Variants in NCKAP1 observed in about 807,000 individuals in gnomAD.
NCKAP1 encodes the protein nck-associated protein 1.
NCKAP1 carries 21 observed loss-of-function variants against 151.2 expected under a neutral mutation model. The observed-to-expected ratio is 0.14, with a 90% CI of 0.10 to 0.20. The LOEUF is 0.20. Ranked by LOEUF, NCKAP1 falls within the 10% of genes least tolerant of loss-of-function variation. The pLI is 1.00. For missense variants in NCKAP1, 933 were observed against 1,352.1 expected (o/e 0.69, Z 4.86); for synonymous variants, 484 against 451.8 (o/e 1.07, Z -0.90).
intron 8 of NCKAP1, among the ~76,000 whole-genome samples, chr2:182,994,625 C>T (rs900196102): frequency 3.3e-5 from 5 of 149,528 alleles, no homozygotes; most frequent in African/African-American, 1.2e-4. Context: ...GATGACAGAG[C>T]AAGACCTCAT....
intron 15 of NCKAP1, among the ~76,000 whole-genome samples, chr2:182,976,647 G>A (rs139898448): frequency 6.6e-6 from 1 of 152,076 alleles, no homozygotes; most frequent in Non-Finnish European, 1.5e-5. Flanking sequence ...AATCAAGAGA[G>A]AGATTGGGAT....
intron 2 of NCKAP1, among the ~76,000 whole-genome samples, chr2:183,014,884 C>T (rs1350775293): frequency 6.6e-6 from 1 of 152,208 alleles, no homozygotes; most frequent in African/African-American, 2.4e-5. Flanking sequence ...ATAATGTCCT[C>T]TGCTACTATG....
chr2:183,035,937 A>G (rs191167397), intron 1 of NCKAP1, among the ~76,000 whole-genome samples: 1 of 152,322 alleles, frequency 6.6e-6, no homozygotes, highest in Admixed American at 6.5e-5. Flanking sequence ...CCCTGCCCAG[A>G]GAAAATTCAC....
At chr2:182,960,650 A>G (rs1376653291) in intron 18 of NCKAP1, among the ~76,000 whole-genome samples, 2 of 152,256 alleles carry the variant, frequency 1.3e-5, no homozygotes, top group Non-Finnish European at 2.9e-5. Flanking sequence ...CCTAGGCAAT[A>G]CCATTCAGGA....
intron 8 of NCKAP1, among the ~76,000 whole-genome samples, chr2:182,989,653 A>G (rs756136658): frequency 5.9e-5 from 9 of 152,122 alleles, no homozygotes; most frequent in Non-Finnish European, 1.2e-4. Flanking sequence ...CAGAGGTTGC[A>G]GTGAGTCGAG....
At chr2:182,997,474 T>C (rs1259029702) in intron 6 of NCKAP1, among the ~76,000 whole-genome samples, 1 of 152,256 alleles carries the variant, frequency 6.6e-6, no homozygotes, top group Non-Finnish European at 1.5e-5. Flanking sequence ...AATTTTTTTA[T>C]TTCTGCCTTA....
intron 1 of NCKAP1, 114 bp from the exon 2 acceptor site, chr2:183,024,030 A>G: frequency 1.3e-6 from 1 of 766,982 alleles, no homozygotes; most frequent in Non-Finnish European, 2.2e-6. Context: ...TGAGCAGGTG[A>G]TAAAATGAAT....
At chr2:182,986,755 T>A (rs1698064728) in intron 9 of NCKAP1, among the ~76,000 whole-genome samples, 1 of 152,150 alleles carries the variant, frequency 6.6e-6, no homozygotes. Context: ...AAGAGAACTA[T>A]ATATGATTTT....
At chr2:182,939,725 G>T (rs1366051688) in intron 24 of NCKAP1, among the ~76,000 whole-genome samples, 3 of 151,414 alleles carry the variant, frequency 2.0e-5, no homozygotes, top group Non-Finnish European at 4.4e-5. Flanking sequence ...AAGCACAAAA[G>T]AATTAAAAAA....
intron 9 of NCKAP1, among the ~76,000 whole-genome samples, chr2:182,987,987 G>A (rs577553153): frequency 2.1e-4 from 32 of 152,268 alleles, no homozygotes; most frequent in Admixed American, 8.5e-4. Flanking sequence ...AAGTGGTGAT[G>A]ATGCCGGAGT....
rs184264577 is a variant in NCKAP1, at chr2:182,983,900, G to T, written c.1005-518C>A. 2.6e-5 allele frequency among the ~76,000 whole-genome samples: 4 copies of T among 152,018 alleles called. No individual in the cohort carries two copies. The East Asian group carries it at 7.8e-4, about 30-fold the overall frequency. ...ATACAAAACATTAGCCAGGTGTGGT[G>T]GGTGCCTGTAATCCCAGCTACTTGG... On this transcript the variant is annotated intron_variant, in intron 10 of 30. Transcript: ENST00000361354.
At chr2:182,954,240 C>A (rs1697278800) in intron 20 of NCKAP1, among the ~76,000 whole-genome samples, 2 of 122,412 alleles carry the variant, frequency 1.6e-5, no homozygotes, top group African/African-American at 6.2e-5. Context: ...ACTTTATTTT[C>A]TTTAATCACT....
chr2:182,962,033 A>C, intron 18 of NCKAP1, 126 bp downstream of exon 18: 1 of 938,830 alleles, frequency 1.1e-6, no homozygotes, highest in South Asian at 2.0e-5. Flanking sequence ...GTTTCACAGC[A>C]GAGGTTTGAG....
At chr2:182,952,629 A>T (rs1697236938) in intron 22 of NCKAP1, 127 bp from the exon 23 acceptor site, 1 of 1,092,344 alleles carries the variant, frequency 9.2e-7, no homozygotes, top group South Asian at 1.8e-5. Context: ...CTCTAGAGTG[A>T]AAGAGAGAAT....
In NCKAP1 at chr2:182,952,492, T is replaced by C. The variant is rs1238857897; in HGVS notation, c.2514A>G (p.Ser838=). 1.3e-6 allele frequency: 2 copies of C among 1,596,392 alleles called. No homozygotes were observed. Among genetic ancestry groups the C allele is most frequent in the African/African-American group, 1.3e-5 (1 of 74,176 alleles). The change falls in exon 23 of 31, where the codon TCA becomes TCG. Residue 838 remains serine, a synonymous_variant. Coordinates refer to ENST00000361354, the MANE Select transcript of NCKAP1 (RefSeq NM_013436.5). ...EEYSDISEMR[S]LSELLGPYGM... The stretch of plus-strand genomic sequence containing the variant: ...CATATGGGCCTAGTAGTTCTGATAA[T>C]GACCTCATTTCTGAAAGAAAACATA...
chr2:183,009,467 GAAGGAAGGAAGC>G (rs1212883008), intron 2 of NCKAP1, among the ~76,000 whole-genome samples: 56 of 132,938 alleles, frequency 4.2e-4, no homozygotes, highest in Non-Finnish European at 6.3e-4. Context: ...AGGAAGGAAG[GAAGGAAGGAAGC>G]AAGCAAGCAA....
At chr2:182,940,769 C>A (rs1362429962) in intron 24 of NCKAP1, among the ~76,000 whole-genome samples, 1 of 152,126 alleles carries the variant, frequency 6.6e-6, no homozygotes, top group African/African-American at 2.4e-5. Context: ...ATCTGTGTTA[C>A]CACTATGTAA....
Position 183,038,287 on chromosome 2 carries a change from G to T in NCKAP1, c.-188C>A. On this transcript the variant is annotated 5_prime_UTR_variant, in exon 1 of 31. Coordinates refer to ENST00000361354, the MANE Select transcript of NCKAP1 (RefSeq NM_013436.5). Reference sequence around the variant, plus strand: ...AGCGAGCCGCGGCGGACTCCTCGGAGCCCCTTCTCCCGCAGCAGCCCGCGC... The same window carrying T: ...AGCGAGCCGCGGCGGACTCCTCGGATCCCCTTCTCCCGCAGCAGCCCGCGC... The T allele has an allele frequency of 2.5e-6, 1 of 405,790 alleles. No individual in the cohort carries two copies. The highest frequency in any genetic ancestry group is 4.3e-6 in the Non-Finnish European group (1 of 231,514). 25.1% of individuals were successfully genotyped at this position (405,790 alleles called of 1,614,324 possible).
intron 15 of NCKAP1, 31 bp downstream of exon 15, chr2:182,976,857 TAACAA>T: frequency 1.5e-6 from 2 of 1,354,056 alleles, no homozygotes; most frequent in Non-Finnish European, 2.0e-6. Context: ...TTAACTAAAA[TAACAA>T]AACAGAATGA....
Sources: gnomAD v4.1 joint callset for allele counts (sites outside exome capture counted in the v4.1 genomes callset) on GRCh38, gnomAD v4.1.1 for gene constraint, MANE v1.5 for transcripts, NCBI Gene and HGNC (gene_info 2026-07-23, HGNC 2026-07-21) for gene names.